Variants in CUZD1 observed in about 807,000 individuals in gnomAD.
The protein encoded by CUZD1 is CUB and zona pellucida-like domain-containing protein 1.
CUZD1 carries 42 observed loss-of-function variants against 53.1 expected under a neutral mutation model. The observed-to-expected ratio is 0.79, with a 90% CI of 0.62 to 1.02. CUZD1 has a LOEUF of 1.02. Among genes scored for constraint, CUZD1 ranks in the 50% least tolerant of loss-of-function variants. CUZD1 has a pLI of 0.00. For synonymous variants in CUZD1, 238 were observed against 257.2 expected, an observed-to-expected ratio of 0.93 and a Z score of 0.71; for missense variants, 670 against 715.7, an observed-to-expected ratio of 0.94 and a Z score of 0.73.
Position 122,834,956 on chromosome 10 carries a change from T to C in CUZD1, c.1132A>G (p.Ile378Val). The change falls in exon 7 of 9, where the codon ATA (isoleucine) becomes GTA (valine). Residue 378 changes from isoleucine (I) to valine (V), a missense_variant. By Grantham distance (29) the Ile-to-Val change is conservative (BLOSUM62 3). Transcript: ENST00000392790. The part of the protein sequence containing the change: ...GHNSTVEIIY[I>V]TEDDVIQSQN... ...CTTTGTATTACATCATCTTCTGTTA[T>C]GTATATTATCTCCACTGTAGAATTA... 1 of 1,613,912 alleles carries C rather than the reference T, an allele frequency of 6.2e-7. No homozygotes were observed. The highest frequency in any genetic ancestry group is 1.1e-5 in the South Asian group (1 of 91,050).
intron 1 of CUZD1, among the ~76,000 whole-genome samples, chr10:122,843,379 GA>G (rs1566238594): frequency 6.6e-6 from 1 of 152,118 alleles, no homozygotes; most frequent in Non-Finnish European, 1.5e-5. Context: ...GTTTGCATGT[GA>G]CCTACACACA....
At chr10:122,844,800 G>T (rs1303849164) in intron 1 of CUZD1, among the ~76,000 whole-genome samples, 1 of 151,910 alleles carries the variant, frequency 6.6e-6, no homozygotes, top group Non-Finnish European at 1.5e-5. Context: ...ATCCCACCAA[G>T]ATTTTGACTA....
At chr10:122,839,346 C>T (rs997277696) in intron 2 of CUZD1, 115 bp from the exon 3 acceptor site, 15 of 857,024 alleles carry the variant, frequency 1.8e-5, no homozygotes, top group Non-Finnish European at 2.6e-5. Flanking sequence ...CATCTGTTTT[C>T]ATTTAAACCT....
At chr10:122,843,798 T>C (rs1280501779) in intron 1 of CUZD1, among the ~76,000 whole-genome samples, 1 of 137,990 alleles carries the variant, frequency 7.2e-6, no homozygotes, top group Non-Finnish European at 1.5e-5. Flanking sequence ...TCTTCATACA[T>C]ATATATACAT....
chr10:122,844,731 T>A (rs1847409520), intron 1 of CUZD1, among the ~76,000 whole-genome samples: 1 of 152,164 alleles, frequency 6.6e-6, no homozygotes, highest in Non-Finnish European at 1.5e-5. Context: ...ATTTGGTAAA[T>A]TCTTATATTT....
rs1195327854 is a variant in CUZD1 at position 122,839,200 on chromosome 10, T to C, written c.265A>G (p.Asn89Asp). 6.2e-7 allele frequency: 1 copy of C among 1,613,958 alleles called. No individual in the cohort carries two copies. Among genetic ancestry groups the C allele is most frequent in the Non-Finnish European group, 8.5e-7 (1 of 1,179,936 alleles). The change falls in exon 3 of 9, where the codon AAC becomes GAC. Residue 89 changes from asparagine to aspartate, a missense_variant. Physicochemically the swap from Asn to Asp is conservative, Grantham distance 23. Coordinates refer to ENST00000392790, the MANE Select transcript of CUZD1 (RefSeq NM_022034.6). The stretch of plus-strand genomic sequence containing the variant: ...GAGGTTCCGTCAAAGACTTTAATGT[T>C]TTCACTTTCACAGCTTCCATCTGGA... ...LDPDGSCESE[N>D]IKVFDGTSSN...
At chr10:122,845,694 T>G (rs1273558673) in intron 1 of CUZD1, 68 bp downstream of exon 1, 1 of 1,394,762 alleles carries the variant, frequency 7.2e-7, no homozygotes, top group African/African-American at 1.4e-5. Context: ...TTTGAAAAAT[T>G]TTGAAAGAGG....
In CUZD1 at chr10:122,839,197, T is replaced by C; in HGVS notation, c.268A>G (p.Ile90Val). ...CTGGAGGTTCCGTCAAAGACTTTAA[T>C]GTTTTCACTTTCACAGCTTCCATCT... ...DPDGSCESEN[I>V]KVFDGTSSNG... Residue 90 changes from isoleucine to valine, a missense_variant, in exon 3 of 9, where the codon ATT (isoleucine) becomes GTT (valine). Physicochemically the swap from Ile to Val is conservative, Grantham distance 29 (BLOSUM62 3). Coordinates refer to ENST00000392790, the MANE Select transcript of CUZD1 (RefSeq NM_022034.6). 1 of 1,614,092 alleles carries C rather than the reference T, an allele frequency of 6.2e-7. No individual in the cohort carries two copies. The highest frequency in any genetic ancestry group is 8.5e-7 in the Non-Finnish European group (1 of 1,179,936).
intron 8 of CUZD1, among the ~76,000 whole-genome samples, chr10:122,832,983 T>C (rs1847182964): frequency 6.6e-6 from 1 of 152,338 alleles, no homozygotes; most frequent in East Asian, 1.9e-4. Flanking sequence ...GTTTTTGCCA[T>C]AGAAATATTT....
At chr10:122,840,821 A>C (rs1339417340) in intron 2 of CUZD1, among the ~76,000 whole-genome samples, 1 of 152,276 alleles carries the variant, frequency 6.6e-6, no homozygotes, top group Non-Finnish European at 1.5e-5. Context: ...TGCATAGAAA[A>C]ATTTGGAACC....
chr10:122,841,780 T>C (rs1351344553), intron 1 of CUZD1, among the ~76,000 whole-genome samples: 1 of 152,214 alleles, frequency 6.6e-6, no homozygotes, highest in Non-Finnish European at 1.5e-5. Flanking sequence ...CACACACTAT[T>C]GTCAGGTTTT....
Position 122,832,441 on chromosome 10 carries a change from T to C in CUZD1, c.1661A>G (p.His554Arg), listed in dbSNP as rs61730786. The C allele has an allele frequency of 2.1e-3, 3,450 of 1,613,074 alleles. 61 individuals are homozygous for C. The African/African-American group carries it at 0.038, about 18-fold the overall frequency. Residue 554 changes from histidine to arginine, a missense_variant, in exon 9 of 9, where the codon CAT becomes CGT. His to Arg is a conservative substitution (Grantham distance 29). Coordinates refer to ENST00000392790, the MANE Select transcript of CUZD1 (RefSeq NM_022034.6). ...TGGAGTTTCTTCCGCATGTGTTTCATGCTGAAATCCTAAAATTGGAAACAA... is the reference window on the plus strand; with the variant it reads ...TGGAGTTTCTTCCGCATGTGTTTCACGCTGAAATCCTAAAATTGGAAACAA... ...RSASGNSGFQ[H>R]ETHAEETPNQ...
chr10:122,843,800 T>C (rs1025246834), intron 1 of CUZD1, among the ~76,000 whole-genome samples: 2 of 138,020 alleles, frequency 1.4e-5, no homozygotes, highest in African/African-American at 5.7e-5. Flanking sequence ...TTCATACATA[T>C]ATATACATAC....
chr10:122,839,288 G>A, intron 2 of CUZD1, 57 bp from the exon 3 acceptor site: 1 of 1,497,356 alleles, frequency 6.7e-7, no homozygotes, highest in South Asian at 1.1e-5. Context: ...GGGGTTTGCA[G>A]AGCAGTCAAT....
chr10:122,840,031 G>GGT (rs1420750692), intron 2 of CUZD1, among the ~76,000 whole-genome samples: 2 of 152,136 alleles, frequency 1.3e-5, no homozygotes, highest in Non-Finnish European at 2.9e-5. Flanking sequence ...CTGGCACATA[G>GGT]GTGTTCAATA....
At chr10:122,843,707 G>A (rs1345995011) in intron 1 of CUZD1, among the ~76,000 whole-genome samples, 1 of 151,256 alleles carries the variant, frequency 6.6e-6, no homozygotes, top group Non-Finnish European at 1.5e-5. Context: ...TAAATTTATA[G>A]AGACAGAAAG....
At chr10:122,835,540 G>A (rs1847236378) in intron 6 of CUZD1, among the ~76,000 whole-genome samples, 2 of 152,150 alleles carry the variant, frequency 1.3e-5, no homozygotes, top group Admixed American at 6.6e-5. Flanking sequence ...TAAAGACTGT[G>A]CGTTCATTTT....
chr10:122,841,893 G>A (rs934265696), intron 1 of CUZD1, among the ~76,000 whole-genome samples: 6 of 151,890 alleles, frequency 4.0e-5, no homozygotes, highest in Admixed American at 3.9e-4. Flanking sequence ...ATCATTTCAT[G>A]TTCTTATTTG....
In CUZD1 at chr10:122,845,761, C is replaced by A. The variant is rs548508346; in HGVS notation, c.82+1G>T. 5 of 1,613,216 alleles carry A rather than the reference C, an allele frequency of 3.1e-6. No homozygotes were observed. In the Admixed American group the frequency reaches 5.0e-5, roughly 16 times the overall value. On this transcript the variant is annotated splice_donor_variant, in intron 1 of 8. Transcript: ENST00000392790. LOFTEE classifies it high-confidence loss of function. ...GAATAAATCTGGTTCAATTTTCTTA[C>A]CTTCAGCCTCCGCCATTGTCAGCTC...
Sources: gnomAD v4.1 joint callset for allele counts (sites outside exome capture counted in the v4.1 genomes callset) on GRCh38, gnomAD v4.1.1 for gene constraint, MANE v1.5 for transcripts, NCBI Gene and HGNC (gene_info 2026-07-23, HGNC 2026-07-21) for gene names.